SEZ6L: variants seen among roughly 807,000 people sequenced by gnomAD.
SEZ6L encodes the protein seizure related 6 homolog like, also known as seizure 6-like protein.
SEZ6L carries 37 observed loss-of-function variants against 106.2 expected under a neutral mutation model. The observed-to-expected ratio is 0.35, with a 90% confidence interval of 0.27 to 0.46. The LOEUF is 0.46. Ranked by LOEUF, SEZ6L falls within the 20% of genes least tolerant of loss-of-function variation. SEZ6L has a pLI of 1.00. For synonymous variants in SEZ6L, 541 were observed against 570.4 expected, an observed-to-expected ratio of 0.95 and a Z score of 0.73; for missense variants, 1,172 against 1,332.8, an observed-to-expected ratio of 0.88 and a Z score of 1.88.
Position 26,270,430 on chromosome 22 carries a change from G to A in SEZ6L, c.95-21976G>A, listed in dbSNP as rs112649743. 3.1e-3 allele frequency among the ~76,000 whole-genome samples: 465 copies of A among 151,516 alleles called. 3 individuals carry two copies. The highest frequency in any genetic ancestry group is 0.011 in the African/African-American group (435 of 41,290). On this transcript the variant is annotated intron_variant, in intron 1 of 16. Transcript: ENST00000248933. Reference sequence around the variant, plus strand: ...TGAAATAGAATTATCAGAGATTTGGGGAACAGAGATGTTGGTGCTGACAAT... The same window carrying A: ...TGAAATAGAATTATCAGAGATTTGGAGAACAGAGATGTTGGTGCTGACAAT...
intron 1 of SEZ6L, among the ~76,000 whole-genome samples, chr22:26,261,910 G>A (rs1295919720): frequency 1.3e-5 from 2 of 152,130 alleles, no homozygotes; most frequent in African/African-American, 4.8e-5. Flanking sequence ...ATTGGTCAAG[G>A]AGGAGCAACA....
At position 26,313,764 on chromosome 22, in the gene SEZ6L, C is replaced by T; in HGVS notation, c.1877C>T (p.Ala626Val). 2 of 1,605,178 alleles carry T rather than the reference C, an allele frequency of 1.2e-6. No homozygotes were observed. Among genetic ancestry groups the T allele is most frequent in the Non-Finnish European group, 1.7e-6 (2 of 1,172,428 alleles). ...CTTCTTGCCTGTCTGTCTTTTACAG[C>T]CATGTGTGGTGGGGAGCTCTCTGCT... ...YWNDTEPLCRAMCGGELSAVA... is the reference protein window; with the variant it reads ...YWNDTEPLCRVMCGGELSAVA... The change falls in exon 9 of 17, where the codon GCC becomes GTC. Residue 626 changes from alanine to valine, a missense_variant and splice_region_variant. Physicochemically the swap from Ala to Val is moderately conservative, Grantham distance 64. Around this residue, in one of 4 missense-constraint regions of SEZ6L, gnomAD observed 534 missense variants for 691.0 expected, o/e 0.77. Transcript: ENST00000248933.
At chr22:26,186,052 G>T (rs561605998) in intron 1 of SEZ6L, among the ~76,000 whole-genome samples, 1 of 151,666 alleles carries the variant, frequency 6.6e-6, no homozygotes, top group Non-Finnish European at 1.5e-5. Flanking sequence ...TCACACCCTG[G>T]CTGCCCATGA....
At chr22:26,285,892 G>A (rs991004739) in intron 1 of SEZ6L, among the ~76,000 whole-genome samples, 3 of 152,128 alleles carry the variant, frequency 2.0e-5, no homozygotes, top group South Asian at 2.1e-4. Flanking sequence ...CTGGACAACC[G>A]CTTCCCCTCT....
At position 26,292,645 on chromosome 22, in the gene SEZ6L, G is replaced by T; in HGVS notation, c.334G>T (p.Ala112Ser). ...TCCAGAGGAGGCCCGCCCCAAGCACGCCTTGCCCCCCAAGAAGAAACTGCC... is the reference window on the plus strand; with the variant it reads ...TCCAGAGGAGGCCCGCCCCAAGCACTCCTTGCCCCCCAAGAAGAAACTGCC... ...LLPEEARPKH[A>S]LPPKKKLPSL... The change falls in exon 2 of 17, where the codon GCC (alanine) becomes TCC (serine). Residue 112 changes from alanine to serine, a missense_variant. Coordinates refer to ENST00000248933, the MANE Select transcript of SEZ6L (RefSeq NM_021115.5). 1 of 1,613,008 alleles carries T rather than the reference G, an allele frequency of 6.2e-7. No homozygotes were observed. Among genetic ancestry groups the T allele is most frequent in the Non-Finnish European group, 8.5e-7 (1 of 1,179,756 alleles).
At chr22:26,339,346 G>A (rs2082750442) in intron 9 of SEZ6L, among the ~76,000 whole-genome samples, 1 of 152,184 alleles carries the variant, frequency 6.6e-6, no homozygotes, top group African/African-American at 2.4e-5. Context: ...AGGAAAGAAA[G>A]AAATGTGAGT....
chr22:26,310,987 G>A, intron 7 of SEZ6L, 151 bp downstream of exon 7: 2 of 729,440 alleles, frequency 2.7e-6, no homozygotes, highest in Admixed American at 2.8e-5. Flanking sequence ...CAGGCTCTTG[G>A]TTTCATTAAT....
At chr22:26,337,976 C>T (rs1282733575) in intron 9 of SEZ6L, among the ~76,000 whole-genome samples, 1 of 152,130 alleles carries the variant, frequency 6.6e-6, no homozygotes, top group Non-Finnish European at 1.5e-5. Context: ...TTTGTTCTGA[C>T]CACCTGAAAC....
chr22:26,326,576 A>G (rs544695298), intron 9 of SEZ6L, among the ~76,000 whole-genome samples: 113 of 152,344 alleles, frequency 7.4e-4, no homozygotes, highest in African/African-American at 2.5e-3. Context: ...AGATGAGGAC[A>G]GTGATCCTCC....
intron 1 of SEZ6L, among the ~76,000 whole-genome samples, chr22:26,255,972 G>A (rs943640216): frequency 6.6e-6 from 1 of 152,190 alleles, no homozygotes; most frequent in Admixed American, 6.5e-5. Context: ...GCTGGCCTGG[G>A]AGATCAAGGG....
rs754566090 is a variant in SEZ6L at position 26,256,420 on chromosome 22, T to C, written c.95-35986T>C. 4.6e-5 allele frequency among the ~76,000 whole-genome samples: 7 copies of C among 152,350 alleles called. No homozygotes were observed. In the East Asian group the frequency reaches 1.3e-3, roughly 29 times the overall value. ...AAATGGCCAAAAGGCTCTTTCCAAATGCACACAGAATGTAGAAAACATAGA... is the reference window on the plus strand; with the variant it reads ...AAATGGCCAAAAGGCTCTTTCCAAACGCACACAGAATGTAGAAAACATAGA... On this transcript the variant is annotated intron_variant, in intron 1 of 16. Transcript: ENST00000248933.
At position 26,332,088 on chromosome 22, in the gene SEZ6L, C is replaced by T. The variant is rs185829639; in HGVS notation, c.2016-8348C>T. The stretch of plus-strand genomic sequence containing the variant: ...AGTGTTCTATAACACTGTAGGGTGA[C>T]GATAGTTAACAATAATTTGTTGTTC... On this transcript the variant is annotated intron_variant, in intron 9 of 16. Coordinates refer to ENST00000248933, the MANE Select transcript of SEZ6L (RefSeq NM_021115.5). 2.0e-3 allele frequency among the ~76,000 whole-genome samples: 304 copies of T among 150,986 alleles called. 2 individuals carry two copies. The highest frequency in any genetic ancestry group is 6.6e-3 in the African/African-American group (271 of 41,030).
intron 9 of SEZ6L, among the ~76,000 whole-genome samples, chr22:26,335,851 GAC>G (rs1323548620): frequency 2.6e-5 from 4 of 152,120 alleles, no homozygotes; most frequent in African/African-American, 9.7e-5. Context: ...ACAAAAGAAA[GAC>G]ACCTGCCAAG....
intron 9 of SEZ6L, among the ~76,000 whole-genome samples, chr22:26,324,289 G>C (rs1362195748): frequency 6.6e-6 from 1 of 152,074 alleles, no homozygotes; most frequent in East Asian, 1.9e-4. Context: ...GCCTTCCTTT[G>C]CTCCTCTGCA....
chr22:26,213,342 A>G (rs1602052143), intron 1 of SEZ6L, among the ~76,000 whole-genome samples: 1 of 152,226 alleles, frequency 6.6e-6, no homozygotes, highest in African/African-American at 2.4e-5. Context: ...GTGGTCCTGG[A>G]CATGAACCCT....
intron 1 of SEZ6L, among the ~76,000 whole-genome samples, chr22:26,230,165 G>T (rs947373931): frequency 2.6e-5 from 4 of 152,164 alleles, no homozygotes; most frequent in Admixed American, 2.0e-4. Context: ...AGCTAAGGGT[G>T]ACTGAGACAA....
chr22:26,359,693 G>A (rs1033477474), intron 12 of SEZ6L, among the ~76,000 whole-genome samples: 11 of 152,020 alleles, frequency 7.2e-5, no homozygotes, highest in African/African-American at 2.4e-4. Context: ...TGGTCCCAGC[G>A]ACTCGGGAGG....
intron 1 of SEZ6L, among the ~76,000 whole-genome samples, chr22:26,248,978 A>C (rs2079467981): frequency 6.6e-6 from 1 of 152,192 alleles, no homozygotes; most frequent in Non-Finnish European, 1.5e-5. Context: ...GTAAAGCTAA[A>C]GTAATAAGAT....
chr22:26,316,133 T>C (rs11912284), intron 9 of SEZ6L, among the ~76,000 whole-genome samples: 2,163 of 152,342 alleles, frequency 0.014, 60 homozygotes, highest in African/African-American at 0.05. Flanking sequence ...TTCTAGAGTC[T>C]GGAATAAGAT....
Sources: gnomAD v4.1 joint callset for allele counts (sites outside exome capture counted in the v4.1 genomes callset) on GRCh38, gnomAD v4.1.1 for gene constraint, gnomAD v4.1.1 regional missense constraint, MANE v1.5 for transcripts, NCBI Gene and HGNC (gene_info 2026-07-23, HGNC 2026-07-21) for gene names.